The following ZNF729 variants were observed in gnomAD, a reference collection of about 807,000 sequenced individuals.
ZNF729 encodes the protein zinc finger protein 729.
In ZNF729, 15 loss-of-function variants were observed where a neutral mutation model predicts 12.2. That is an observed-to-expected ratio of 1.23 (90% CI 0.82 to 1.89). The LOEUF is 1.89. Ranked by LOEUF, ZNF729 falls within the 40% of genes most tolerant of loss-of-function variation. The probability of loss-of-function intolerance (pLI) is 0.00; values close to 1 mark genes in which losing one functional copy is unlikely to be tolerated. For synonymous variants in ZNF729, 492 were observed against 476.3 expected, an observed-to-expected ratio of 1.03 and a Z score of -0.43; for missense variants, 1,540 against 1,456.7, an observed-to-expected ratio of 1.06 and a Z score of -0.93.
Position 22,303,815 on chromosome 19 carries a change from C to G in ZNF729, c.88C>G (p.Leu30Val), listed in dbSNP as rs1968346092. Reference protein sequence around the residue: ...IEFSLEEWQCLDTVQQNLYRD... With the variant: ...IEFSLEEWQCVDTVQQNLYRD... ...ATTCTCTCTGGAGGAGTGGCAATGC[C>G]TGGACACGGTTCAGCAGAATTTATA... The change falls in exon 2 of 4, where the codon CTG becomes GTG. Residue 30 changes from leucine (L) to valine (V), a missense_variant. Coordinates refer to ENST00000601693, the MANE Select transcript of ZNF729 (RefSeq NM_001242680.2). The G allele has an allele frequency of 6.3e-7, 1 of 1,576,876 alleles. No homozygotes were observed.
At chr19:22,305,825 G>A (rs1968371447) in intron 3 of ZNF729, among the ~76,000 whole-genome samples, 1 of 151,882 alleles carries the variant, frequency 6.6e-6, no homozygotes, top group Non-Finnish European at 1.5e-5. Context: ...TAATGAAATA[G>A]GGTCTCACTC....
chr19:22,317,121 C>G lies in ZNF729; in HGVS notation c.3704C>G (p.Thr1235Arg), dbSNP rs766223671. The G allele has an allele frequency of 6.3e-7, 1 of 1,599,108 alleles. No homozygotes were observed. The highest frequency in any genetic ancestry group is 2.3e-5 in the East Asian group (1 of 44,292). The change falls in exon 4 of 4, where the codon ACA (threonine) becomes AGA (arginine). Residue 1235 changes from threonine to arginine, a missense_variant. Thr to Arg is a moderately conservative substitution (Grantham distance 71). Transcript: ENST00000601693. ...LSNPHTLLDK[T>R]IHTGEKPYKC... The stretch of plus-strand genomic sequence containing the variant: ...AATCCTCACACCTTACTAGACAAAA[C>G]AATTCATACTGGAGAGAAACCCTAC...
chr19:22,290,375 A>T (rs189398177), intron 1 of ZNF729, among the ~76,000 whole-genome samples: 7 of 152,348 alleles, frequency 4.6e-5, no homozygotes, highest in Admixed American at 4.6e-4. Flanking sequence ...AAAGTAAAAC[A>T]AAGTTAGATT....
Position 22,314,347 on chromosome 19 carries a change from T to C in ZNF729, c.930T>C (p.His310=), listed in dbSNP as rs1968491859. 1 of 1,602,726 alleles carries C rather than the reference T, an allele frequency of 6.2e-7. No individual in the cohort carries two copies. The highest frequency in any genetic ancestry group is 8.5e-7 in the Non-Finnish European group (1 of 1,174,390). Residue 310 remains histidine, a synonymous_variant, in exon 4 of 4, where the codon CAT becomes CAC. Transcript: ENST00000601693. ...AFKGSSNFNA[H]KVIHTAEKPY... ...AGGGGTCCTCAAATTTTAATGCACA[T>C]AAGGTAATTCATACTGCAGAGAAAC...
intron 3 of ZNF729, among the ~76,000 whole-genome samples, chr19:22,310,598 G>A (rs569853956): frequency 6.6e-6 from 1 of 152,194 alleles, no homozygotes; most frequent in East Asian, 1.9e-4. Flanking sequence ...GATTCAGTTA[G>A]CTACTATTTT....
At chr19:22,290,627 G>T (rs751797680) in intron 1 of ZNF729, among the ~76,000 whole-genome samples, 3 of 152,194 alleles carry the variant, frequency 2.0e-5, no homozygotes, top group Non-Finnish European at 4.4e-5. Flanking sequence ...GGGGTTGTAT[G>T]TTGACTCAGA....
In ZNF729 at chr19:22,314,128, A is replaced by G; in HGVS notation, c.711A>G (p.Lys237=). ...TTCATACTGAAGACAAACCTTACAAATATAAGAAATGTGGCAATGCCTTTA... is the reference window on the plus strand; with the variant it reads ...TTCATACTGAAGACAAACCTTACAAGTATAAGAAATGTGGCAATGCCTTTA... ...KIIHTEDKPY[K]YKKCGNAFKF... is the part of the protein sequence containing the mutation. Residue 237 remains lysine (K), a synonymous_variant, in exon 4 of 4, where the codon AAA becomes AAG. Transcript: ENST00000601693. 6.4e-7 allele frequency: 1 copy of G among 1,552,936 alleles called. No individual in the cohort carries two copies. Among genetic ancestry groups the G allele is most frequent in the Non-Finnish European group, 8.7e-7 (1 of 1,149,958 alleles).
At chr19:22,288,840 G>A (rs920042687) in intron 1 of ZNF729, among the ~76,000 whole-genome samples, 2 of 152,040 alleles carry the variant, frequency 1.3e-5, no homozygotes, top group African/African-American at 4.8e-5. Context: ...GAAAAATAGT[G>A]CGAATCTTTG....
chr19:22,306,291 T>G (rs1177373365), intron 3 of ZNF729, among the ~76,000 whole-genome samples: 1 of 151,728 alleles, frequency 6.6e-6, no homozygotes, highest in Non-Finnish European at 1.5e-5. Flanking sequence ...ATACAAAAAT[T>G]AGCCAGGCAT....
intron 1 of ZNF729, among the ~76,000 whole-genome samples, chr19:22,296,714 G>C (rs1968234512): frequency 6.6e-6 from 1 of 151,928 alleles, no homozygotes; most frequent in Non-Finnish European, 1.5e-5. Context: ...GTTAAATTGA[G>C]ATGTTTTTGA....
chr19:22,303,732 T>A, intron 1 of ZNF729, 26 bp from the exon 2 acceptor site: 1 of 1,520,876 alleles, frequency 6.6e-7, no homozygotes, highest in Non-Finnish European at 8.9e-7. Context: ...GGGAAATGTA[T>A]ATGTGTCTTT....
rs1238886911 is a variant in ZNF729 at position 22,314,121 on chromosome 19, C to G, written c.704C>G (p.Pro235Arg). 1 of 1,551,628 alleles carries G rather than the reference C, an allele frequency of 6.4e-7. No individual in the cohort carries two copies. The highest frequency in any genetic ancestry group is 2.0e-5 in the Admixed American group (1 of 51,084). ...AAGATAATTCATACTGAAGACAAAC[C>G]TTACAAATATAAGAAATGTGGCAAT... is the stretch of plus-strand genomic sequence containing the variant. ...KHKIIHTEDK[P>R]YKYKKCGNAF... is the part of the protein sequence containing the mutation. Residue 235 changes from proline (P) to arginine (R), a missense_variant, in exon 4 of 4, where the codon CCT (proline) becomes CGT (arginine). By Grantham distance (103) the Pro-to-Arg change is moderately radical. Coordinates refer to ENST00000601693, the MANE Select transcript of ZNF729 (RefSeq NM_001242680.2).
chr19:22,297,910 C>T (rs191748758), intron 1 of ZNF729, among the ~76,000 whole-genome samples: 69 of 150,202 alleles, frequency 4.6e-4, no homozygotes, highest in South Asian at 1.1e-3. Context: ...GAGGCTGAGG[C>T]CAGAGAATTG....
chr19:22,291,541 A>AC (rs1968154032), intron 1 of ZNF729, among the ~76,000 whole-genome samples: 1 of 152,168 alleles, frequency 6.6e-6, no homozygotes, highest in South Asian at 2.1e-4. Context: ...CAACCCCCAG[A>AC]CACTGAATCT....
At position 22,315,042 on chromosome 19, in the gene ZNF729, A is replaced by G. The variant is rs760844644; in HGVS notation, c.1625A>G (p.Lys542Arg). The change falls in exon 4 of 4, where the codon AAA becomes AGA. Residue 542 changes from lysine to arginine, a missense_variant. Lys to Arg is a conservative substitution (Grantham distance 26). Transcript: ENST00000601693. ...RNHQIIHTGE[K>R]PYKCEECGKA... ...CATCAGATAATTCATACTGGAGAGA[A>G]ACCCTACAAATGTGAAGAATGTGGT... The G allele has an allele frequency of 4.3e-6, 7 of 1,611,524 alleles. No homozygotes were observed. The highest frequency in any genetic ancestry group is 3.3e-5 in the Admixed American group (2 of 59,960).
In ZNF729 at chr19:22,315,850, T is replaced by C; in HGVS notation, c.2433T>C (p.Leu811=). Residue 811 remains leucine, a synonymous_variant, in exon 4 of 4, where the codon CTT becomes CTC. Transcript: ENST00000601693. ...AAGCTTTTAAGTGGTCCTCAAAGCT[T>C]ACTGTACATAAGGTAATTCATACTG... The part of the protein sequence containing the change: ...CGKAFKWSSK[L]TVHKVIHTGE... 1.2e-6 allele frequency: 2 copies of C among 1,611,202 alleles called. No individual in the cohort carries two copies. The highest frequency in any genetic ancestry group is 1.7e-6 in the Non-Finnish European group (2 of 1,179,698).
rs1271468675 is a variant in ZNF729, at chr19:22,303,837, T to C, written c.110T>C (p.Leu37Ser). The change falls in exon 2 of 4, where the codon TTA becomes TCA. Residue 37 changes from leucine (L) to serine (S), a missense_variant. Transcript: ENST00000601693. ...TGCCTGGACACGGTTCAGCAGAATTTATATAGGGATGTGATGTTAGAGAAC... is the reference window on the plus strand; with the variant it reads ...TGCCTGGACACGGTTCAGCAGAATTCATATAGGGATGTGATGTTAGAGAAC... The part of the protein sequence containing the change: ...WQCLDTVQQN[L>S]YRDVMLENYR... The C allele has an allele frequency of 1.1e-5, 17 of 1,574,942 alleles. No homozygotes were observed. Among genetic ancestry groups the C allele is most frequent in the Non-Finnish European group, 1.4e-5 (16 of 1,155,826 alleles).
At chr19:22,309,064 C>T (rs1238764907) in intron 3 of ZNF729, among the ~76,000 whole-genome samples, 1 of 152,170 alleles carries the variant, frequency 6.6e-6, no homozygotes, top group South Asian at 2.1e-4. Context: ...CTTAATCCAT[C>T]TTGAGTTGAT....
intron 3 of ZNF729, among the ~76,000 whole-genome samples, chr19:22,307,451 AT>A (rs112728876): frequency 0.057 from 8,438 of 147,960 alleles, 761 homozygotes; most frequent in African/African-American, 0.2. Context: ...GATTAAGAAT[AT>A]TTTTTTTTCA....
Sources: allele counts gnomAD v4.1 joint callset (sites outside exome capture counted in the v4.1 genomes callset), GRCh38; gene constraint gnomAD v4.1.1; transcripts MANE v1.5; gene names NCBI Gene and HGNC (gene_info 2026-07-23, HGNC 2026-07-21).